Variants in BPHL observed in about 807,000 individuals in gnomAD.
BPHL encodes the protein biphenyl hydrolase like, also known as serine hydrolase BPHL.
Under a neutral mutation model 31.2 loss-of-function variants are expected in BPHL, and 27 were observed. That is an observed-to-expected ratio of 0.87 (90% CI 0.64 to 1.19). The LOEUF (loss-of-function observed/expected upper bound fraction) is 1.19, where lower values mean the gene tolerates loss of function less well. BPHL is among the 50% of genes most tolerant of loss of function. The pLI is 0.00. For synonymous variants in BPHL, 150 were observed against 146.8 expected, an observed-to-expected ratio of 1.02 and a Z score of -0.16; for missense variants, 356 against 375.7, an observed-to-expected ratio of 0.95 and a Z score of 0.43.
intron 2 of BPHL, 123 bp downstream of exon 2, chr6:3,123,883 A>G (rs1302936739): frequency 2.5e-6 from 2 of 799,722 alleles, no homozygotes; most frequent in Non-Finnish European, 3.8e-6. Context: ...CATATTTGCT[A>G]CAATCAAACT....
rs1217897124 is a variant in BPHL at position 3,127,294 on chromosome 6, C to G, written c.264C>G (p.Leu88=). ...GPQLKNLNKK[L]FTVVAWDPRG... is the part of the protein sequence containing the mutation. The stretch of plus-strand genomic sequence containing the variant: ...AGCTCAAGAACCTCAATAAGAAGCT[C>G]TTCACGGTGGTCGCCTGGGATCCTC... The change falls in exon 3 of 7, where the codon CTC becomes CTG. Residue 88 remains leucine, a synonymous_variant. Transcript: ENST00000380379. 1 of 1,606,812 alleles carries G rather than the reference C, an allele frequency of 6.2e-7. No individual in the cohort carries two copies.
intron 6 of BPHL, among the ~76,000 whole-genome samples, chr6:3,143,744 C>T (rs1762239707): frequency 6.6e-6 from 1 of 152,246 alleles, no homozygotes; most frequent in African/African-American, 2.4e-5. Context: ...GGAGGTCACA[C>T]TCTGAGATGC....
intron 1 of BPHL, among the ~76,000 whole-genome samples, chr6:3,119,857 A>G (rs1761511486): frequency 6.6e-6 from 1 of 152,194 alleles, no homozygotes; most frequent in Admixed American, 6.5e-5. Context: ...AAAATTTCAT[A>G]TTGCAATTGA....
rs777274861 is a variant in BPHL at position 3,127,225 on chromosome 6, C to T, written c.212-17C>T. ...GTGAAAGCGATCACCTGAGGGTAACCAAGTGGCTGTTTTTAGGAAGTGGAG... is the reference window on the plus strand; with the variant it reads ...GTGAAAGCGATCACCTGAGGGTAACTAAGTGGCTGTTTTTAGGAAGTGGAG... On this transcript the variant is annotated splice_polypyrimidine_tract_variant and intron_variant, in intron 2 of 6. Transcript: ENST00000380379. 17 of 1,504,422 alleles carry T rather than the reference C, an allele frequency of 1.1e-5. No homozygotes were observed. Among genetic ancestry groups the T allele is most frequent in the Non-Finnish European group, 1.5e-5 (17 of 1,114,664 alleles). The allele number at this position is 1,504,422 out of a possible 1,614,324, so 93.2% of individuals were successfully genotyped here.
At chr6:3,146,761 A>AGTGCTGGTTTGGGTC (rs1561801617) in intron 6 of BPHL, among the ~76,000 whole-genome samples, 2 of 116,942 alleles carry the variant, frequency 1.7e-5, no homozygotes, top group East Asian at 5.7e-4. Flanking sequence ...GGTTTGGGTC[A>AGTGCTGGTTTGGGTC]GAGTGCTGGT....
chr6:3,141,157 A>G (rs947389255), intron 6 of BPHL, among the ~76,000 whole-genome samples: 4 of 152,240 alleles, frequency 2.6e-5, no homozygotes, highest in Non-Finnish European at 5.9e-5. Flanking sequence ...CTATATCCAT[A>G]ATGGATAGTG....
chr6:3,144,192 C>T (rs553014014), intron 6 of BPHL, among the ~76,000 whole-genome samples: 297 of 152,222 alleles, frequency 2.0e-3, no homozygotes, highest in African/African-American at 6.7e-3. Context: ...CTCAGCCTCC[C>T]GAGTAGCTGG....
At position 3,152,689 on chromosome 6, in the gene BPHL, A is replaced by G; in HGVS notation, c.*114A>G. 1.1e-6 allele frequency: 1 copy of G among 885,234 alleles called. No homozygotes were observed. Among genetic ancestry groups the G allele is most frequent in the Non-Finnish European group, 1.7e-6 (1 of 572,414 alleles). The allele number at this position is 885,234 out of a possible 1,614,324, so 54.8% of individuals were successfully genotyped here. On this transcript the variant is annotated 3_prime_UTR_variant, in exon 7 of 7. Coordinates refer to ENST00000380379, the MANE Select transcript of BPHL (RefSeq NM_004332.4). ...TTTGAAACTTTCTACCCCTCCCTTCAATCTTATCCTAACCAAATGAGAATA... is the reference window on the plus strand; with the variant it reads ...TTTGAAACTTTCTACCCCTCCCTTCGATCTTATCCTAACCAAATGAGAATA...
chr6:3,150,618 T>G (rs1159440550), intron 6 of BPHL, among the ~76,000 whole-genome samples: 1 of 152,218 alleles, frequency 6.6e-6, no homozygotes, highest in African/African-American at 2.4e-5. Context: ...TGTTATTGTT[T>G]GAAAAGTGCT....
At chr6:3,122,255 G>A (rs1340478633) in intron 1 of BPHL, among the ~76,000 whole-genome samples, 1 of 152,162 alleles carries the variant, frequency 6.6e-6, no homozygotes, top group East Asian at 1.9e-4. Context: ...ACTCCAGCCT[G>A]GGCGACAGAG....
At chr6:3,131,260 C>T (rs1237482226) in intron 4 of BPHL, among the ~76,000 whole-genome samples, 1 of 152,056 alleles carries the variant, frequency 6.6e-6, no homozygotes, top group Non-Finnish European at 1.5e-5. Context: ...CCATTCTAGC[C>T]CCCTCTACTG....
rs768057848 is a variant in BPHL, at chr6:3,152,490, T to C, written c.791T>C (p.Leu264Pro). Residue 264 changes from leucine (L) to proline (P), a missense_variant and splice_region_variant, in exon 7 of 7, where the codon CTG becomes CCG. Leu to Pro is a moderately conservative substitution (Grantham distance 98). Transcript: ENST00000380379. ...FIHKHVKGSR[L>P]HLMPEGKHNL... The stretch of plus-strand genomic sequence containing the variant: ...AGTATTTTTAATTCCTTTTTTAGGC[T>C]GCATTTGATGCCAGAAGGCAAACAC... 1 of 1,613,048 alleles carries C rather than the reference T, an allele frequency of 6.2e-7. No individual in the cohort carries two copies. Among genetic ancestry groups the C allele is most frequent in the Non-Finnish European group, 8.5e-7 (1 of 1,179,518 alleles).
At chr6:3,141,550 G>A (rs1472242065) in intron 6 of BPHL, among the ~76,000 whole-genome samples, 1 of 152,154 alleles carries the variant, frequency 6.6e-6, no homozygotes, top group Non-Finnish European at 1.5e-5. Context: ...TGTATTTTCA[G>A]TAGAGACGGG....
chr6:3,148,840 C>A (rs555555820), intron 6 of BPHL, among the ~76,000 whole-genome samples: 17 of 152,328 alleles, frequency 1.1e-4, no homozygotes, highest in African/African-American at 1.9e-4. Context: ...TATATTAAAA[C>A]CTCTCTTAAG....
At chr6:3,137,998 AC>A in intron 5 of BPHL, 2 of 1,280,834 alleles carry the variant, frequency 1.6e-6, no homozygotes, top group Non-Finnish European at 2.0e-6. Flanking sequence ...TATGACTGTA[AC>A]CATGAACAAT....
chr6:3,152,654 A>C lies in BPHL; in HGVS notation c.*79A>C. The stretch of plus-strand genomic sequence containing the variant: ...TGCCTGTTAACATGATGCCTTTGAA[A>C]CTCTCCGCCTTTGAAACTTTCTACC... On this transcript the variant is annotated 3_prime_UTR_variant, in exon 7 of 7. Coordinates refer to ENST00000380379, the MANE Select transcript of BPHL (RefSeq NM_004332.4). 6 of 1,271,634 alleles carry C rather than the reference A, an allele frequency of 4.7e-6. No individual in the cohort carries two copies. Among genetic ancestry groups the C allele is most frequent in the East Asian group, 5.0e-5 (2 of 39,972 alleles). 78.8% of individuals were successfully genotyped at this position (1,271,634 alleles called of 1,614,324 possible). A position where few individuals can be genotyped will look rare whatever the true frequency, so the allele number is the denominator to read the frequency against.
intron 4 of BPHL, among the ~76,000 whole-genome samples, chr6:3,131,470 A>G (rs1265181205): frequency 6.6e-6 from 1 of 152,046 alleles, no homozygotes; most frequent in Non-Finnish European, 1.5e-5. Flanking sequence ...ATACCCCTCC[A>G]GTTATCCTCA....
At chr6:3,125,137 C>G (rs552587975) in intron 2 of BPHL, among the ~76,000 whole-genome samples, 59 of 152,014 alleles carry the variant, frequency 3.9e-4, no homozygotes, top group African/African-American at 1.4e-3. Flanking sequence ...CCTCTACCTC[C>G]CAGGTTCAAG....
chr6:3,122,757 A>C (rs3799209), intron 1 of BPHL, among the ~76,000 whole-genome samples: 6,579 of 152,240 alleles, frequency 0.043, 451 homozygotes, highest in African/African-American at 0.14. Flanking sequence ...ACATATTTTA[A>C]CATCTTAAAA....
Sources: allele counts gnomAD v4.1 joint callset (sites outside exome capture counted in the v4.1 genomes callset), GRCh38; gene constraint gnomAD v4.1.1; transcripts MANE v1.5; gene names NCBI Gene and HGNC (gene_info 2026-07-23, HGNC 2026-07-21).